Variants in NUMB observed in about 807,000 individuals in gnomAD.
NUMB encodes the protein protein numb homolog.
NUMB carries 29 observed loss-of-function variants against 59.7 expected under a neutral mutation model. That is an observed-to-expected ratio of 0.49 (90% CI 0.36 to 0.66). NUMB has a LOEUF of 0.66. Ranked by LOEUF, NUMB falls within the 30% of genes least tolerant of loss-of-function variation. NUMB has a pLI of 0.00. For missense variants in NUMB, 723 were observed against 822.0 expected, an observed-to-expected ratio of 0.88 and a Z score of 1.47; for synonymous variants, 288 against 288.2, an observed-to-expected ratio of 1.00 and a Z score of 0.01.
chr14:73,357,882 G>GC (rs35880157), intron 3 of NUMB, among the ~76,000 whole-genome samples: 33,574 of 131,908 alleles, frequency 0.25, 4,581 homozygotes, highest in East Asian at 0.6. Context: ...TTATCCTGAG[G>GC]CCCCCCCCAA....
At chr14:73,360,839 A>C (rs78577085) in intron 3 of NUMB, among the ~76,000 whole-genome samples, 4,280 of 151,322 alleles carry the variant, frequency 0.028, 72 homozygotes, top group Middle Eastern at 0.071. Flanking sequence ...TTTCCTTCAC[A>C]ATTTATTTTA....
chr14:73,374,719 C>CTTTTTT (rs368185389), intron 2 of NUMB, among the ~76,000 whole-genome samples: 4 of 119,324 alleles, frequency 3.4e-5, no homozygotes, highest in Non-Finnish European at 5.1e-5. Flanking sequence ...GTTACATTAA[C>CTTTTTT]TTTTTTTTTT....
intron 4 of NUMB, among the ~76,000 whole-genome samples, chr14:73,352,214 G>A (rs1893332988): frequency 6.6e-6 from 1 of 150,952 alleles, no homozygotes; most frequent in African/African-American, 2.4e-5. Flanking sequence ...GTCACCCAGT[G>A]CCTACATATA....
At position 73,279,467 on chromosome 14, in the gene NUMB, G is replaced by A. The variant is rs1888457573; in HGVS notation, c.1097-43C>T. 2.0e-6 allele frequency: 3 copies of A among 1,525,274 alleles called. No homozygotes were observed. In the South Asian group the frequency reaches 3.9e-5, roughly 20 times the overall value. 94.5% of individuals were successfully genotyped at this position (1,525,274 alleles called of 1,614,324 possible). A position where few individuals can be genotyped will look rare whatever the true frequency, so the allele number is the denominator to read the frequency against. ...AACATCAATGGAGTTAATTCATGCA[G>A]GGTGTACAAGTGACCCCTTGGAGCT... On this transcript the variant is annotated intron_variant, in intron 11 of 12. Coordinates refer to ENST00000555238, the MANE Select transcript of NUMB (RefSeq NM_001005743.2).
intron 4 of NUMB, among the ~76,000 whole-genome samples, chr14:73,337,257 T>A (rs1892376472): frequency 6.6e-6 from 1 of 152,156 alleles, no homozygotes; most frequent in Non-Finnish European, 1.5e-5. Context: ...ACACCTGTAA[T>A]CCCAGCACTT....
At chr14:73,292,897 A>G in intron 7 of NUMB, 23 bp from the exon 8 acceptor site, 1 of 1,613,178 alleles carries the variant, frequency 6.2e-7, no homozygotes, top group Non-Finnish European at 8.5e-7. Context: ...ACACACAAAG[A>G]AAGAGAAGAC....
chr14:73,314,525 T>TTTAA (rs1890974712), intron 6 of NUMB, among the ~76,000 whole-genome samples: 1 of 152,148 alleles, frequency 6.6e-6, no homozygotes, highest in Non-Finnish European at 1.5e-5. Context: ...GGCCCCATTA[T>TTTAA]ACGTAGCAAT....
chr14:73,340,469 T>G (rs1271106598), intron 4 of NUMB, among the ~76,000 whole-genome samples: 1 of 152,198 alleles, frequency 6.6e-6, no homozygotes, highest in East Asian at 1.9e-4. Flanking sequence ...CTAATTCCCT[T>G]TGAACATACC....
chr14:73,279,482 C>T (rs1469361710), intron 11 of NUMB, 58 bp from the exon 12 acceptor site: 3 of 1,487,086 alleles, frequency 2.0e-6, no homozygotes, highest in Non-Finnish European at 2.7e-6. Flanking sequence ...TACAAGTGAC[C>T]CCTTGGAGCT....
chr14:73,352,450 A>T (rs1893360425), intron 4 of NUMB, among the ~76,000 whole-genome samples: 1 of 40,908 alleles, frequency 2.4e-5, no homozygotes. Context: ...ACACACACAC[A>T]CACACACATA....
chr14:73,413,012 G>T (rs1339510803), intron 1 of NUMB, among the ~76,000 whole-genome samples: 1 of 152,062 alleles, frequency 6.6e-6, no homozygotes, highest in Non-Finnish European at 1.5e-5. Flanking sequence ...GTTTTTAAAA[G>T]AGTAGTAAAA....
intron 7 of NUMB, 89 bp from the exon 8 acceptor site, chr14:73,292,963 T>G: frequency 1.6e-6 from 2 of 1,277,306 alleles, no homozygotes; most frequent in Non-Finnish European, 2.2e-6. Flanking sequence ...TGATGCACAA[T>G]CCATACATCT....
chr14:73,361,863 A>G lies in NUMB; in HGVS notation c.-16+5034T>C, dbSNP rs971820345. 1.7e-4 allele frequency among the ~76,000 whole-genome samples: 26 copies of G among 152,326 alleles called. 1 individual carries two copies. The highest frequency in any genetic ancestry group is 6.3e-4 in the African/African-American group (26 of 41,572). On this transcript the variant is annotated intron_variant, in intron 3 of 12. Coordinates refer to ENST00000555238, the MANE Select transcript of NUMB (RefSeq NM_001005743.2). The stretch of plus-strand genomic sequence containing the variant: ...GGGCATTTCAAACAGGGAATGAGGT[A>G]GGATGAAAAGTCATGCTATGTATGT...
At chr14:73,360,038 C>A (rs939376444) in intron 3 of NUMB, among the ~76,000 whole-genome samples, 2 of 152,164 alleles carry the variant, frequency 1.3e-5, no homozygotes, top group African/African-American at 4.8e-5. Flanking sequence ...TCTGTTGTCC[C>A]TCTCTCATCA....
rs1374159621 is a variant in NUMB, at chr14:73,323,304, A to T, written c.127-100T>A. The T allele has an allele frequency of 2.8e-5, 20 of 723,958 alleles. No individual in the cohort carries two copies. The Admixed American group carries it at 5.7e-4, about 21-fold the overall frequency. The allele number at this position is 723,958 out of a possible 1,614,324, so 44.8% of individuals were successfully genotyped here. On this transcript the variant is annotated intron_variant, in intron 4 of 12. Transcript: ENST00000555238. ...AATTGAATACAGGTTGAACATTCCAAATCTGAAAAAATTTGAAATCTGAAA... is the reference window on the plus strand; with the variant it reads ...AATTGAATACAGGTTGAACATTCCATATCTGAAAAAATTTGAAATCTGAAA...
intron 2 of NUMB, among the ~76,000 whole-genome samples, chr14:73,376,926 G>C (rs1453106129): frequency 6.6e-6 from 1 of 152,180 alleles, no homozygotes; most frequent in Non-Finnish European, 1.5e-5. Flanking sequence ...ATTGTCAACT[G>C]ATCTTTGACA....
rs1463585721 is a variant in NUMB at position 73,316,890 on chromosome 14, C to T, written c.202-468G>A. Among the ~76,000 whole-genome samples the T allele has an allele frequency of 3.9e-5, 6 of 152,032 alleles. No individual in the cohort carries two copies. The East Asian group carries it at 1.2e-3, about 29-fold the overall frequency. On this transcript the variant is annotated intron_variant, in intron 5 of 12. Transcript: ENST00000555238. Reference sequence around the variant, plus strand: ...GAAAGTCACCAATTTTAAAAAAGTCCACATTCAAATGACCACATAATCACA... The same window carrying T: ...GAAAGTCACCAATTTTAAAAAAGTCTACATTCAAATGACCACATAATCACA...
chr14:73,338,532 G>C (rs1019970513), intron 4 of NUMB, among the ~76,000 whole-genome samples: 1 of 152,126 alleles, frequency 6.6e-6, no homozygotes, highest in African/African-American at 2.4e-5. Context: ...CTCAGCACAG[G>C]AGCCAGAATG....
chr14:73,388,531 T>C (rs1008378577), intron 2 of NUMB, among the ~76,000 whole-genome samples: 6 of 152,336 alleles, frequency 3.9e-5, no homozygotes, highest in Non-Finnish European at 8.8e-5. Flanking sequence ...GCTAGGCTTA[T>C]GGCTGATCTA....
Sources: gnomAD v4.1 joint callset for allele counts (sites outside exome capture counted in the v4.1 genomes callset) on GRCh38, gnomAD v4.1.1 for gene constraint, MANE v1.5 for transcripts, NCBI Gene and HGNC (gene_info 2026-07-23, HGNC 2026-07-21) for gene names.